The following FAM241A variants were observed in gnomAD, a reference collection of about 807,000 sequenced individuals.
The protein encoded by FAM241A is uncharacterized protein FAM241A.
FAM241A carries 7 observed loss-of-function variants against 12.2 expected under a neutral mutation model. The ratio of observed to expected loss-of-function variants is 0.58; its 90% CI spans 0.33 to 1.08. FAM241A has a LOEUF of 1.08. Among genes scored for constraint, FAM241A ranks in the 50% least tolerant of loss-of-function variants. FAM241A has a pLI of 0.04. For synonymous variants in FAM241A, 74 were observed against 68.2 expected (o/e 1.08, Z -0.42); for missense variants, 161 against 169.7 (o/e 0.95, Z 0.29).
chr4:112,180,031 C>T (rs1312770025), intron 1 of FAM241A, among the ~76,000 whole-genome samples: 1 of 130,514 alleles, frequency 7.7e-6, no homozygotes, highest in Non-Finnish European at 1.6e-5. Context: ...AAAAAAAAAA[C>T]AGTCATATCC....
At chr4:112,160,736 C>T (rs1304696960) in intron 1 of FAM241A, among the ~76,000 whole-genome samples, 1 of 152,058 alleles carries the variant, frequency 6.6e-6, no homozygotes, top group Non-Finnish European at 1.5e-5. Flanking sequence ...GAATAAAGAG[C>T]CCAGAAACAA....
intron 1 of FAM241A, among the ~76,000 whole-genome samples, chr4:112,167,139 A>T (rs937459276): frequency 2.6e-5 from 4 of 151,604 alleles, no homozygotes; most frequent in African/African-American, 9.7e-5. Flanking sequence ...AAAAATAAAA[A>T]ATAAAAATAC....
rs1724214052 is a variant in FAM241A at position 112,193,758 on chromosome 4, G to C, written c.*6820G>C. On this transcript the variant is annotated 3_prime_UTR_variant, in exon 2 of 2. Coordinates refer to ENST00000309733, the MANE Select transcript of FAM241A (RefSeq NM_152400.3). ...CTGTTTTGGTTATTGTAGCCTTGTA[G>C]TATAGTTTGAAGTCAGGTAGCATGA... 1 of 152,054 alleles carries C rather than the reference G, an allele frequency of 6.6e-6. No individual in the cohort carries two copies. Among genetic ancestry groups the C allele is most frequent in the African/African-American group, 2.4e-5 (1 of 41,380 alleles). 9.4% of individuals were successfully genotyped at this position (152,054 alleles called of 1,614,324 possible).
intron 1 of FAM241A, among the ~76,000 whole-genome samples, chr4:112,174,219 A>G (rs923300415): frequency 4.6e-5 from 7 of 152,136 alleles, no homozygotes; most frequent in African/African-American, 1.4e-4. Context: ...CCCTCCCTGC[A>G]CTCACTGTAG....
Position 112,145,646 on chromosome 4 carries a change from G to T in FAM241A, c.66G>T (p.Ala22=). ...GGGAACGCGACGAGGACGGGGACGC[G>T]CTGGCGGAGCGGGAGGCGGCAGGGA... The part of the protein sequence containing the change: ...DGGERDEDGD[A]LAEREAAGTG... Residue 22 remains alanine, a synonymous_variant, in exon 1 of 2, where the codon GCG becomes GCT. Coordinates refer to ENST00000309733, the MANE Select transcript of FAM241A (RefSeq NM_152400.3). 1 of 1,220,354 alleles carries T rather than the reference G, an allele frequency of 8.2e-7. No individual in the cohort carries two copies. The allele number at this position is 1,220,354 out of a possible 1,614,324, so 75.6% of individuals were successfully genotyped here.
At position 112,186,972 on chromosome 4, in the gene FAM241A, A is replaced by G; in HGVS notation, c.*34A>G. On this transcript the variant is annotated 3_prime_UTR_variant, in exon 2 of 2. Transcript: ENST00000309733. ...CGAATTGAATTGTTTGACATTTGGTAGCCATATATGTAATTGAAGAAGTTA... is the reference window on the plus strand; with the variant it reads ...CGAATTGAATTGTTTGACATTTGGTGGCCATATATGTAATTGAAGAAGTTA... The G allele has an allele frequency of 6.2e-7, 1 of 1,600,528 alleles. No individual in the cohort carries two copies. Among genetic ancestry groups the G allele is most frequent in the South Asian group, 1.1e-5 (1 of 89,094 alleles).
At position 112,194,346 on chromosome 4, in the gene FAM241A, C is replaced by A. The variant is rs1019879070; in HGVS notation, c.*7408C>A. The A allele has an allele frequency of 6.6e-6, 1 of 152,142 alleles. No individual in the cohort carries two copies. Among genetic ancestry groups the A allele is most frequent in the African/African-American group, 2.4e-5 (1 of 41,408 alleles). 9.4% of individuals were successfully genotyped at this position (152,142 alleles called of 1,614,324 possible). A position where few individuals can be genotyped will look rare whatever the true frequency, so the allele number is the denominator to read the frequency against. On this transcript the variant is annotated 3_prime_UTR_variant, in exon 2 of 2. Transcript: ENST00000309733. Reference sequence around the variant, plus strand: ...CTAATTGAATACTTTTTACTTCCTTCTCCTGCCTAATTGCCCTGGCCAGAA... The same window carrying A: ...CTAATTGAATACTTTTTACTTCCTTATCCTGCCTAATTGCCCTGGCCAGAA...
At chr4:112,146,356 T>C (rs1477332954) in intron 1 of FAM241A, among the ~76,000 whole-genome samples, 1 of 152,200 alleles carries the variant, frequency 6.6e-6, no homozygotes, top group Non-Finnish European at 1.5e-5. Context: ...TTGCTTTCGG[T>C]TATAAGAGGC....
At chr4:112,165,575 T>TA (rs879044593) in intron 1 of FAM241A, among the ~76,000 whole-genome samples, 1 of 152,156 alleles carries the variant, frequency 6.6e-6, no homozygotes, top group South Asian at 2.1e-4. Context: ...ATTCAGCCGT[T>TA]AAAAAGAGTG....
chr4:112,179,919 A>ATATATATATATATG (rs1723896358), intron 1 of FAM241A, among the ~76,000 whole-genome samples: 1 of 124,018 alleles, frequency 8.1e-6, no homozygotes, highest in Non-Finnish European at 1.7e-5. Flanking sequence ...AATGTGATAT[A>ATATATATATATATG]TATATATATA....
At chr4:112,155,604 AT>A (rs1044770424) in intron 1 of FAM241A, among the ~76,000 whole-genome samples, 1 of 151,906 alleles carries the variant, frequency 6.6e-6, no homozygotes, top group African/African-American at 2.4e-5. Flanking sequence ...AATTTATATC[AT>A]TTTTTAACGT....
intron 1 of FAM241A, among the ~76,000 whole-genome samples, chr4:112,149,982 C>T (rs1002698436): frequency 3.3e-5 from 5 of 152,000 alleles, no homozygotes; most frequent in African/African-American, 7.2e-5. Context: ...CGTATATACA[C>T]ACACCACTCA....
intron 1 of FAM241A, among the ~76,000 whole-genome samples, chr4:112,158,307 A>G (rs1723394034): frequency 1.3e-5 from 2 of 152,150 alleles, no homozygotes; most frequent in Non-Finnish European, 2.9e-5. Flanking sequence ...TACTGAAGAT[A>G]CTTTCTCCAT....
At chr4:112,163,678 T>C (rs1375182322) in intron 1 of FAM241A, among the ~76,000 whole-genome samples, 1 of 152,262 alleles carries the variant, frequency 6.6e-6, no homozygotes, top group East Asian at 1.9e-4. Flanking sequence ...CTGGAGAGGA[T>C]GTGGAAAAAT....
At position 112,189,579 on chromosome 4, in the gene FAM241A, A is replaced by G. The variant is rs547159579; in HGVS notation, c.*2641A>G. ...ACAAATAAACAGACTGTAGATGAGT[A>G]AATCCATTTTTCTTAAAGTAAAAAC... On this transcript the variant is annotated 3_prime_UTR_variant, in exon 2 of 2. Coordinates refer to ENST00000309733, the MANE Select transcript of FAM241A (RefSeq NM_152400.3). The G allele has an allele frequency of 1.2e-4, 19 of 152,296 alleles. No individual in the cohort carries two copies. Among genetic ancestry groups the G allele is most frequent in the Non-Finnish European group, 2.4e-4 (16 of 68,024 alleles). The allele number at this position is 152,296 out of a possible 1,614,324, so 9.4% of individuals were successfully genotyped here. A position where few individuals can be genotyped will look rare whatever the true frequency, so the allele number is the denominator to read the frequency against.
At position 112,171,728 on chromosome 4, in the gene FAM241A, G is replaced by A. The variant is rs376210423; in HGVS notation, c.154-14965G>A. ...TAAAAAATTAGCCAGGCATGGTGGCGGGCGCCTGTAGTCCCAGCTACTCAG... is the reference window on the plus strand; with the variant it reads ...TAAAAAATTAGCCAGGCATGGTGGCAGGCGCCTGTAGTCCCAGCTACTCAG... On this transcript the variant is annotated intron_variant, in intron 1 of 1. Transcript: ENST00000309733. Among the ~76,000 whole-genome samples, 10 of 151,948 alleles carry A rather than the reference G, an allele frequency of 6.6e-5. No homozygotes were observed. In the South Asian group the frequency reaches 1.0e-3, roughly 16 times the overall value.
At chr4:112,186,553 C>A in intron 1 of FAM241A, 140 bp from the exon 2 acceptor site, 1 of 715,716 alleles carries the variant, frequency 1.4e-6, no homozygotes, top group Non-Finnish European at 2.2e-6. Context: ...AAGAACATTC[C>A]CATTGTGTTA....
At chr4:112,166,195 C>T (rs1281003036) in intron 1 of FAM241A, among the ~76,000 whole-genome samples, 1 of 151,542 alleles carries the variant, frequency 6.6e-6, no homozygotes, top group South Asian at 2.1e-4. Context: ...ACTACAGGTG[C>T]CCCCCACCAC....
rs1220476237 is a variant in FAM241A at position 112,195,192 on chromosome 4, A to G, written c.*8254A>G. ...CTATTACAGTGTCCTAGTAGCCCAGACATATGTGTTAAATGACATGTATAT... is the reference window on the plus strand; with the variant it reads ...CTATTACAGTGTCCTAGTAGCCCAGGCATATGTGTTAAATGACATGTATAT... On this transcript the variant is annotated 3_prime_UTR_variant, in exon 2 of 2. Transcript: ENST00000309733. 6.6e-6 allele frequency: 1 copy of G among 152,236 alleles called. No individual in the cohort carries two copies. Among genetic ancestry groups the G allele is most frequent in the Admixed American group, 6.5e-5 (1 of 15,290 alleles). The allele number at this position is 152,236 out of a possible 1,614,324, so 9.4% of individuals were successfully genotyped here.
Sources: gnomAD v4.1 joint callset for allele counts (sites outside exome capture counted in the v4.1 genomes callset) on GRCh38, gnomAD v4.1.1 for gene constraint, MANE v1.5 for transcripts, NCBI Gene and HGNC (gene_info 2026-07-23, HGNC 2026-07-21) for gene names.